PARVG: variants seen among roughly 807,000 people sequenced by gnomAD.
PARVG encodes parvin gamma, also known as gamma-parvin.
Under a neutral mutation model 44.4 loss-of-function variants are expected in PARVG, and 36 were observed. That is an observed-to-expected ratio of 0.81 (90% CI 0.62 to 1.07). The LOEUF is 1.07. Among genes scored for constraint, PARVG ranks in the 50% least tolerant of loss-of-function variants. The pLI, the probability that PARVG is intolerant of heterozygous loss-of-function variation, is 0.00. For synonymous variants in PARVG, 170 were observed against 174.1 expected, an observed-to-expected ratio of 0.98 and a Z score of 0.19; for missense variants, 407 against 407.4, an observed-to-expected ratio of 1.00 and a Z score of 0.01.
intron 4 of PARVG, chr22:44,187,402 C>A: frequency 3.6e-6 from 1 of 279,266 alleles, no homozygotes; most frequent in Non-Finnish European, 6.9e-6. Flanking sequence ...CTACTGACCA[C>A]CTCTTCAGGG....
chr22:44,178,384 C>T (rs1442139381), upstream of PARVG, among the ~76,000 whole-genome samples: 4 of 152,192 alleles, frequency 2.6e-5, no homozygotes, highest in African/African-American at 9.7e-5. Context: ...GGGACCCAGA[C>T]AGAGCCAGGT....
At chr22:44,189,502 A>G (rs1435259435) in intron 6 of PARVG, among the ~76,000 whole-genome samples, 1 of 150,822 alleles carries the variant, frequency 6.6e-6, no homozygotes, top group Non-Finnish European at 1.5e-5. Flanking sequence ...AGGATAGCAA[A>G]CAGTCTCTGT....
chr22:44,187,962 C>T, intron 5 of PARVG, 84 bp downstream of exon 5: 1 of 1,336,406 alleles, frequency 7.5e-7, no homozygotes, highest in Non-Finnish European at 1.1e-6. Flanking sequence ...TAGGCTCTCT[C>T]CTTCAGTCCC....
intron 5 of PARVG, 180 bp from the exon 6 acceptor site, chr22:44,188,934 G>A: frequency 1.5e-6 from 1 of 658,514 alleles, no homozygotes; most frequent in Non-Finnish European, 2.5e-6. Context: ...GGGTCTCCTG[G>A]AAGCTGGAGG....
At position 44,181,022 on chromosome 22, in the gene PARVG, C is replaced by T. The variant is rs1461857080; in HGVS notation, c.-352C>T. On this transcript the variant is annotated 5_prime_UTR_variant, in exon 1 of 14. Transcript: ENST00000444313. ...GCTATGCCTTTGCATACGCTGTTTTCTCCACCTGCCACGTTCTCACCCCTT... is the reference window on the plus strand; with the variant it reads ...GCTATGCCTTTGCATACGCTGTTTTTTCCACCTGCCACGTTCTCACCCCTT... 2.1e-6 allele frequency: 2 copies of T among 972,526 alleles called. No homozygotes were observed. The highest frequency in any genetic ancestry group is 2.3e-4 in the East Asian group (2 of 8,766). The allele number at this position is 972,526 out of a possible 1,614,324, so 60.2% of individuals were successfully genotyped here. A position where few individuals can be genotyped will look rare whatever the true frequency, so the allele number is the denominator to read the frequency against.
At chr22:44,179,052 G>C (rs1336313557), upstream of PARVG, among the ~76,000 whole-genome samples, 2 of 151,472 alleles carry the variant, frequency 1.3e-5, no homozygotes, top group Non-Finnish European at 2.9e-5. The surrounding 1 kb of genome is among the most constrained non-coding windows in gnomAD (Gnocchi z 4.2). Flanking sequence ...AAAATGTACT[G>C]TCTTAACTAT....
At chr22:44,173,190 A>G in exon 1 of PARVG, 2 of 1,254,772 alleles carry the variant, frequency 1.6e-6, no homozygotes, top group Non-Finnish European at 2.1e-6. Flanking sequence ...TCACAGCTGC[A>G]GGTGAGTAAT....
intron 7 of PARVG, among the ~76,000 whole-genome samples, chr22:44,191,370 C>G (rs961215223): frequency 1.3e-5 from 2 of 151,172 alleles, no homozygotes; most frequent in African/African-American, 4.9e-5. Flanking sequence ...TTGGCCACAC[C>G]CAGTCAGAGT....
intron 8 of PARVG, 45 bp downstream of exon 8, chr22:44,192,149 C>T (rs201042514): frequency 8.1e-5 from 73 of 903,428 alleles, no homozygotes; most frequent in Non-Finnish European, 1.1e-4. Flanking sequence ...GGGCTCACAG[C>T]GGTGGATGGG....
intron 11 of PARVG, among the ~76,000 whole-genome samples, chr22:44,196,650 C>A (rs1237999902): frequency 1.3e-5 from 2 of 152,102 alleles, no homozygotes; most frequent in Non-Finnish European, 2.9e-5. Flanking sequence ...GGAGTCACCT[C>A]GGCTGTCACT....
Position 44,207,940 on chromosome 22 carries a change from T to A in PARVG, c.*1514T>A, listed in dbSNP as rs1601754309. ...GAAACGTGCATCCTCCCACACCAGG[T>A]ACCTGGAGCCCAGCTCCTTCCACCT... is the stretch of plus-strand genomic sequence containing the variant. On this transcript the variant is annotated 3_prime_UTR_variant, in exon 14 of 14. Transcript: ENST00000444313. 1 of 152,358 alleles carries A rather than the reference T, an allele frequency of 6.6e-6. No individual in the cohort carries two copies. Among genetic ancestry groups the A allele is most frequent in the African/African-American group, 2.4e-5 (1 of 41,442 alleles). 9.4% of individuals were successfully genotyped at this position (152,358 alleles called of 1,614,324 possible). A position where few individuals can be genotyped will look rare whatever the true frequency, so the allele number is the denominator to read the frequency against.
rs74758255 is a variant in PARVG, at chr22:44,188,211, G to A, written c.247+333G>A. The A allele has an allele frequency of 2.3e-3, 717 of 306,536 alleles. 3 individuals are homozygous for A. Among genetic ancestry groups the A allele is most frequent in the African/African-American group, 0.014 (683 of 47,322 alleles). 19.0% of individuals were successfully genotyped at this position (306,536 alleles called of 1,614,324 possible). On this transcript the variant is annotated intron_variant, in intron 5 of 13. Transcript: ENST00000444313. ...AAAGAACCCATGATCCCTGCCCTCG[G>A]GCTGCCCTAGGCTGCTAGAGAGAAA... is the stretch of plus-strand genomic sequence containing the variant.
At chr22:44,190,522 G>A in intron 6 of PARVG, 29 bp from the exon 7 acceptor site, 1 of 1,580,658 alleles carries the variant, frequency 6.3e-7, no homozygotes, top group Non-Finnish European at 8.7e-7. Flanking sequence ...GGCCTCCTGG[G>A]CTCTGACCTG....
In PARVG at chr22:44,196,147, G is replaced by A. The variant is rs1230746447; in HGVS notation, c.584-8G>A. ...GTAATGAGGTGTTTATTGGATCTGT[G>A]TCTGCAGAGGACGTCTTTGATGAAT... On this transcript the variant is annotated splice_polypyrimidine_tract_variant and splice_region_variant and intron_variant, in intron 9 of 13. Transcript: ENST00000444313. 1.2e-6 allele frequency: 2 copies of A among 1,614,162 alleles called. No homozygotes were observed. The highest frequency in any genetic ancestry group is 1.7e-5 in the Admixed American group (1 of 60,032).
chr22:44,198,895 TATCCATCCATCTACCC>T (rs1179590184), intron 12 of PARVG, among the ~76,000 whole-genome samples, 173 bp downstream of exon 12: 11 of 72,336 alleles, frequency 1.5e-4, no homozygotes, highest in African/African-American at 4.8e-4. Context: ...CCTATTCACC[TATCCATCCATCTACCC>T]ATCCATCCAT....
At chr22:44,192,248 C>T (rs1441962025) in intron 8 of PARVG, 144 bp downstream of exon 8, 15 of 888,216 alleles carry the variant, frequency 1.7e-5, no homozygotes, top group East Asian at 5.4e-5. Context: ...GAAAATGCTG[C>T]GCTGACCTCT....
Position 44,207,019 on chromosome 22 carries a change from C to G in PARVG, c.*593C>G, listed in dbSNP as rs1362737757. The stretch of plus-strand genomic sequence containing the variant: ...TGCAGCTGCCCTCGTGAGTTTTGCC[C>G]AAAAGTCACAAAGAAGCAATCTTCG... On this transcript the variant is annotated 3_prime_UTR_variant, in exon 14 of 14. Coordinates refer to ENST00000444313, the MANE Select transcript of PARVG (RefSeq NM_022141.7). 6.5e-6 allele frequency: 1 copy of G among 153,266 alleles called. No individual in the cohort carries two copies. Among genetic ancestry groups the G allele is most frequent in the African/African-American group, 2.4e-5 (1 of 41,294 alleles). The allele number at this position is 153,266 out of a possible 1,614,324, so 9.5% of individuals were successfully genotyped here.
chr22:44,204,994 A>G (rs969043398), intron 12 of PARVG, among the ~76,000 whole-genome samples: 4 of 152,126 alleles, frequency 2.6e-5, no homozygotes, highest in African/African-American at 7.2e-5. Flanking sequence ...GCACAGGGGA[A>G]CTGTGGTGAG....
intron 6 of PARVG, among the ~76,000 whole-genome samples, chr22:44,189,721 A>C (rs1002387661): frequency 2.6e-5 from 4 of 152,214 alleles, no homozygotes; most frequent in Admixed American, 1.3e-4. Context: ...GTTTGAGACC[A>C]GCCTGGTCAA....
Sources: allele counts gnomAD v4.1 joint callset (sites outside exome capture counted in the v4.1 genomes callset), GRCh38; gene constraint gnomAD v4.1.1; non-coding constraint Gnocchi (gnomAD v3.1); transcripts MANE v1.5; gene names NCBI Gene and HGNC (gene_info 2026-07-23, HGNC 2026-07-21).